The following RNF115 variants were observed in gnomAD, a reference collection of about 807,000 sequenced individuals.
RNF115 encodes E3 ubiquitin-protein ligase RNF115.
A neutral mutation model predicts 39.2 loss-of-function variants in RNF115; 31 were observed. That is an observed-to-expected ratio of 0.79 (90% CI 0.59 to 1.07). The LOEUF (loss-of-function observed/expected upper bound fraction) is 1.07. Ranked by LOEUF, RNF115 falls within the 50% of genes least tolerant of loss-of-function variation. The pLI is 0.00. For missense variants in RNF115, 384 were observed against 381.7 expected, an observed-to-expected ratio of 1.01 and a Z score of -0.05; for synonymous variants, 124 against 131.0, an observed-to-expected ratio of 0.95 and a Z score of 0.37.
intron 3 of RNF115, among the ~76,000 whole-genome samples, chr1:145,775,586 A>G: frequency 6.6e-6 from 1 of 152,092 alleles, no homozygotes; most frequent in Admixed American, 6.5e-5. Context: ...TTCTTTTTAG[A>G]GATAAGGTCT....
chr1:145,754,785 G>T (rs1205862549), intron 4 of RNF115, among the ~76,000 whole-genome samples: 1 of 152,128 alleles, frequency 6.6e-6, no homozygotes, highest in Non-Finnish European at 1.5e-5. Flanking sequence ...CTGCTTCTAT[G>T]AATTCATTGT....
chr1:145,774,200 G>A (rs1647775158), intron 3 of RNF115, among the ~76,000 whole-genome samples: 1 of 151,760 alleles, frequency 6.6e-6, no homozygotes, highest in South Asian at 2.1e-4. Flanking sequence ...CTGTCATTGT[G>A]GTTTTAGTTT....
At chr1:145,792,847 G>GA (rs1341886154) in intron 1 of RNF115, among the ~76,000 whole-genome samples, 1 of 152,142 alleles carries the variant, frequency 6.6e-6, no homozygotes, top group African/African-American at 2.4e-5. Context: ...TTGAGGATCA[G>GA]AAACTCAACC....
At chr1:145,766,066 T>C (rs764574873) in intron 4 of RNF115, among the ~76,000 whole-genome samples, 93 of 151,906 alleles carry the variant, frequency 6.1e-4, no homozygotes, top group Non-Finnish European at 1.1e-3. Flanking sequence ...GGCAGGGTCA[T>C]AGGACAATAG....
At chr1:145,791,586 G>T (rs1211542297) in intron 1 of RNF115, among the ~76,000 whole-genome samples, 4 of 151,544 alleles carry the variant, frequency 2.6e-5, no homozygotes, top group Non-Finnish European at 5.9e-5. Context: ...TAGGAACAAT[G>T]AGGCAGTACA....
Position 145,747,464 on chromosome 1 carries a change from G to A in RNF115, c.784-467C>T, listed in dbSNP as rs190993238. Among the ~76,000 whole-genome samples, 865 of 152,182 alleles carry A rather than the reference G, an allele frequency of 5.7e-3. 15 individuals are homozygous for A. Among genetic ancestry groups the A allele is most frequent in the Admixed American group, 3.5e-3 (53 of 15,276 alleles). On this transcript the variant is annotated intron_variant, in intron 8 of 8. Transcript: ENST00000582693. Reference sequence around the variant, plus strand: ...GTCAGGAGTTTGAGATCAGCATGGCGAAACCCTGTCTCTACTAAAAACACA... The same window carrying A: ...GTCAGGAGTTTGAGATCAGCATGGCAAAACCCTGTCTCTACTAAAAACACA...
Position 145,746,118 on chromosome 1 carries a change from C to G in RNF115, c.*748G>C, listed in dbSNP as rs1348427974. 2.0e-5 allele frequency: 3 copies of G among 151,746 alleles called. No homozygotes were observed. The highest frequency in any genetic ancestry group is 2.9e-5 in the Non-Finnish European group (2 of 67,980). 9.4% of individuals were successfully genotyped at this position (151,746 alleles called of 1,614,324 possible). On this transcript the variant is annotated 3_prime_UTR_variant, in exon 9 of 9. Coordinates refer to ENST00000582693, the MANE Select transcript of RNF115 (RefSeq NM_014455.4). ...ACAAATGCCTGTGGTCCCAGCTACTCCGGAGGCTGAGGTAGGAGAATCGCT... is the reference window on the plus strand; with the variant it reads ...ACAAATGCCTGTGGTCCCAGCTACTGCGGAGGCTGAGGTAGGAGAATCGCT...
At chr1:145,782,766 G>A (rs1648206600) in intron 3 of RNF115, among the ~76,000 whole-genome samples, 1 of 152,344 alleles carries the variant, frequency 6.6e-6, no homozygotes, top group African/African-American at 2.4e-5. Flanking sequence ...TGCCTAATCA[G>A]TAAGTGACAA....
intron 1 of RNF115, among the ~76,000 whole-genome samples, chr1:145,795,016 CAAA>C (rs782249648): frequency 2.6e-5 from 2 of 78,296 alleles, no homozygotes; most frequent in African/African-American, 5.7e-5. Flanking sequence ...GACTCCATTT[CAAA>C]AAAAAAAAAA....
At chr1:145,797,348 A>G (rs587639111) in intron 1 of RNF115, among the ~76,000 whole-genome samples, 1 of 152,340 alleles carries the variant, frequency 6.6e-6, no homozygotes, top group Admixed American at 6.5e-5. Context: ...AGCAAGCAGC[A>G]TAACCTAGAA....
At chr1:145,754,491 T>C (rs1330901626) in intron 4 of RNF115, among the ~76,000 whole-genome samples, 1 of 152,118 alleles carries the variant, frequency 6.6e-6, no homozygotes, top group Non-Finnish European at 1.5e-5. Flanking sequence ...GTAGCTGGGA[T>C]TACAGATGCA....
At chr1:145,771,971 C>T (rs1647663807) in intron 3 of RNF115, 52 bp from the exon 4 acceptor site, 2 of 1,436,714 alleles carry the variant, frequency 1.4e-6, no homozygotes, top group Non-Finnish European at 9.7e-7. Flanking sequence ...TCAATAAACA[C>T]CTGGATTGTT....
At chr1:145,762,520 AAT>A (rs1658571959) in intron 4 of RNF115, among the ~76,000 whole-genome samples, 1 of 152,196 alleles carries the variant, frequency 6.6e-6, no homozygotes, top group Non-Finnish European at 1.5e-5. Context: ...AAGATTATAA[AAT>A]ATGTGTAGTA....
chr1:145,823,802 A>G lies in RNF115; in HGVS notation c.72T>C (p.Phe24=), dbSNP rs1298410727. 13 of 1,586,638 alleles carry G rather than the reference A, an allele frequency of 8.2e-6. No individual in the cohort carries two copies. Among genetic ancestry groups the G allele is most frequent in the East Asian group, 4.8e-5 (2 of 41,314 alleles). ...AVAAHRFFCH[F]CKGEVSPKLP... ...GTTTGGGGCTGACCTCGCCCTTGCA[A>G]AAGTGGCAGAAAAACCGGTGGGCGG... Residue 24 remains phenylalanine (F), a synonymous_variant, in exon 1 of 9, where the codon TTT becomes TTC. Coordinates refer to ENST00000582693, the MANE Select transcript of RNF115 (RefSeq NM_014455.4).
intron 4 of RNF115, among the ~76,000 whole-genome samples, chr1:145,764,760 G>A: frequency 6.7e-6 from 1 of 149,692 alleles, no homozygotes; most frequent in African/African-American, 2.4e-5. Context: ...GGAGGTGGGG[G>A]CCAGCCCCCG....
At chr1:145,780,017 C>T (rs1648054082) in intron 3 of RNF115, among the ~76,000 whole-genome samples, 1 of 151,950 alleles carries the variant, frequency 6.6e-6, no homozygotes, top group African/African-American at 2.4e-5. Context: ...GACCTGAGGT[C>T]AGGAGTTCCA....
chr1:145,811,370 A>AG (rs1220649896), intron 1 of RNF115, among the ~76,000 whole-genome samples: 17 of 146,700 alleles, frequency 1.2e-4, no homozygotes, highest in African/African-American at 3.6e-4. Context: ...AAAAAAAAAA[A>AG]AAAAAGAAAA....
chr1:145,750,557 A>G, intron 6 of RNF115, 57 bp from the exon 7 acceptor site: 1 of 1,311,200 alleles, frequency 7.6e-7, no homozygotes, highest in Non-Finnish European at 1.1e-6. Flanking sequence ...ATCCCTGGAG[A>G]GGGAACTGCT....
intron 4 of RNF115, among the ~76,000 whole-genome samples, chr1:145,757,161 A>T (rs1658330395): frequency 6.6e-6 from 1 of 152,022 alleles, no homozygotes; most frequent in Admixed American, 6.6e-5. Context: ...TAAGACTATC[A>T]ACCGTTGGAT....
Sources: gnomAD v4.1 joint callset for allele counts (sites outside exome capture counted in the v4.1 genomes callset) on GRCh38, gnomAD v4.1.1 for gene constraint, MANE v1.5 for transcripts, NCBI Gene and HGNC (gene_info 2026-07-23, HGNC 2026-07-21) for gene names.